Variants in PTPN2 observed in about 807,000 individuals in gnomAD.
The protein encoded by PTPN2 is tyrosine-protein phosphatase non-receptor type 2.
PTPN2 carries 19 observed loss-of-function variants against 57.3 expected under a neutral mutation model. The observed-to-expected ratio is 0.33, with a 90% confidence interval of 0.23 to 0.49. PTPN2 has a LOEUF of 0.49. Among genes scored for constraint, PTPN2 ranks in the 20% least tolerant of loss-of-function variants. PTPN2 has a pLI of 0.99. For missense variants in PTPN2, 358 were observed against 501.1 expected, an observed-to-expected ratio of 0.71 and a Z score of 2.73; for synonymous variants, 153 against 164.9, an observed-to-expected ratio of 0.93 and a Z score of 0.55.
At chr18:12,843,076 G>C (rs1177335656) in intron 2 of PTPN2, among the ~76,000 whole-genome samples, 2 of 152,188 alleles carry the variant, frequency 1.3e-5, no homozygotes, top group Non-Finnish European at 2.9e-5. Context: ...ACATGGGTGA[G>C]GGGAGTTTGA....
chr18:12,879,679 G>C (rs1455386092), intron 1 of PTPN2, among the ~76,000 whole-genome samples: 1 of 152,094 alleles, frequency 6.6e-6, no homozygotes, highest in Non-Finnish European at 1.5e-5. Context: ...TTCAAAAGGA[G>C]CAAAAAGGAA....
chr18:12,882,775 T>C (rs2044704553), intron 1 of PTPN2, among the ~76,000 whole-genome samples: 2 of 152,360 alleles, frequency 1.3e-5, no homozygotes, highest in East Asian at 1.9e-4. Flanking sequence ...AAAACGTTAC[T>C]TTCTGAACAC....
chr18:12,844,380 A>G (rs2043147725), intron 2 of PTPN2, among the ~76,000 whole-genome samples: 1 of 152,190 alleles, frequency 6.6e-6, no homozygotes, highest in Non-Finnish European at 1.5e-5. Flanking sequence ...CAGAGTGGCT[A>G]TACCAGTTTA....
intron 2 of PTPN2, among the ~76,000 whole-genome samples, chr18:12,852,229 C>CACACACACAG (rs59538580): frequency 1.3e-5 from 2 of 150,708 alleles, no homozygotes; most frequent in African/African-American, 4.9e-5. Flanking sequence ...CACACACACA[C>CACACACACAG]AGATTGTTTC....
At chr18:12,839,243 G>C (rs769455172) in intron 2 of PTPN2, among the ~76,000 whole-genome samples, 1 of 152,164 alleles carries the variant, frequency 6.6e-6, no homozygotes, top group Non-Finnish European at 1.5e-5. Context: ...ACACGGTTTC[G>C]AGTTTGTGAG....
chr18:12,823,802 A>G (rs1438275530), intron 5 of PTPN2, among the ~76,000 whole-genome samples: 3 of 152,232 alleles, frequency 2.0e-5, no homozygotes. Flanking sequence ...TACGGGGATA[A>G]TAAGAATATT....
At chr18:12,820,328 A>T (rs1314801978) in intron 5 of PTPN2, among the ~76,000 whole-genome samples, 1 of 152,132 alleles carries the variant, frequency 6.6e-6, no homozygotes, top group Admixed American at 6.5e-5. Flanking sequence ...TACAGAAACA[A>T]GATTAAAAAA....
chr18:12,792,077 A>T, downstream of PTPN2: 1 of 363,090 alleles, frequency 2.8e-6, no homozygotes, highest in Non-Finnish European at 3.8e-6. Context: ...GACAGACATA[A>T]AAAAATGTCC....
intron 3 of PTPN2, among the ~76,000 whole-genome samples, chr18:12,834,565 C>T (rs1270611491): frequency 6.6e-6 from 1 of 152,066 alleles, no homozygotes; most frequent in Non-Finnish European, 1.5e-5. Flanking sequence ...ATGCCTGCCA[C>T]AGAGTAGGTC....
intron 2 of PTPN2, among the ~76,000 whole-genome samples, chr18:12,852,184 G>A (rs922273351): frequency 8.3e-5 from 6 of 71,990 alleles, no homozygotes; most frequent in Admixed American, 7.9e-4. Flanking sequence ...TTATGGTATG[G>A]GTTTTTAACA....
rs761612764 is a variant in PTPN2 at position 12,884,066 on chromosome 18, G to A, written c.69+7C>T. On this transcript the variant is annotated splice_region_variant and intron_variant, in intron 1 of 8. Coordinates refer to ENST00000309660, the MANE Select transcript of PTPN2 (RefSeq NM_002828.4). ...GTCGGCGACTGCCGCGTGGGTCCGC[G>A]ACTCACCAAGTACAGCGGCTGCCAG... 14 of 1,571,044 alleles carry A rather than the reference G, an allele frequency of 8.9e-6. No individual in the cohort carries two copies. The highest frequency in any genetic ancestry group is 1.4e-5 in the African/African-American group (1 of 73,410).
At chr18:12,811,008 G>A (rs1227429367) in intron 7 of PTPN2, among the ~76,000 whole-genome samples, 3 of 152,116 alleles carry the variant, frequency 2.0e-5, no homozygotes, top group Non-Finnish European at 4.4e-5. Flanking sequence ...TGAAGACATG[G>A]AGTACTTGCT....
In PTPN2 at chr18:12,785,861, G is replaced by T. The variant is rs770422602; in HGVS notation, c.1143-17C>A. The T allele has an allele frequency of 7.5e-6, 12 of 1,592,362 alleles. No homozygotes were observed. The South Asian group carries it at 1.3e-4, about 18-fold the overall frequency. ...AATCTTGGCCTAAAACATAAAATAAGAAGTCATCTATTCAATTCATATTTA... is the reference window on the plus strand; with the variant it reads ...AATCTTGGCCTAAAACATAAAATAATAAGTCATCTATTCAATTCATATTTA... On this transcript the variant is annotated splice_polypyrimidine_tract_variant and intron_variant, in intron 9 of 9. Coordinates refer to the PTPN2 transcript ENST00000327283.
At chr18:12,866,161 G>A (rs528749992) in intron 1 of PTPN2, among the ~76,000 whole-genome samples, 32 of 152,294 alleles carry the variant, frequency 2.1e-4, no homozygotes, top group African/African-American at 6.7e-4. Context: ...GAAACCAGCC[G>A]GGCGCGGTGG....
chr18:12,857,111 AG>A (rs2043617656), intron 2 of PTPN2, among the ~76,000 whole-genome samples: 1 of 151,652 alleles, frequency 6.6e-6, no homozygotes, highest in South Asian at 2.1e-4. Context: ...AAAACTAATT[AG>A]GGGACTCAAA....
rs2044782993 is a variant in PTPN2 at position 12,884,188 on chromosome 18, G to C, written c.-47C>G. On this transcript the variant is annotated 5_prime_UTR_variant, in exon 1 of 9. Transcript: ENST00000309660. Reference sequence around the variant, plus strand: ...CGAGCAGAGCCTGCGCCGGCGGAGAGGCTCAGGCCCCGCACGATCCGGGGA... The same window carrying C: ...CGAGCAGAGCCTGCGCCGGCGGAGACGCTCAGGCCCCGCACGATCCGGGGA... The C allele has an allele frequency of 3.3e-6, 5 of 1,501,160 alleles. No individual in the cohort carries two copies. Among genetic ancestry groups the C allele is most frequent in the African/African-American group, 1.4e-5 (1 of 70,548 alleles). 93.0% of individuals were successfully genotyped at this position (1,501,160 alleles called of 1,614,324 possible). A position where few individuals can be genotyped will look rare whatever the true frequency, so the allele number is the denominator to read the frequency against.
chr18:12,831,815 C>T (rs139501724), intron 3 of PTPN2, among the ~76,000 whole-genome samples: 2,729 of 152,206 alleles, frequency 0.018, 37 homozygotes, highest in Admixed American at 0.029. Flanking sequence ...TACAACAATG[C>T]CATGGGGATA....
intron 7 of PTPN2, among the ~76,000 whole-genome samples, chr18:12,803,068 C>A (rs1436171100): frequency 1.3e-5 from 2 of 152,154 alleles, no homozygotes; most frequent in East Asian, 3.9e-4. Context: ...AAGGACCACA[C>A]AATATAAAAA....
Position 12,792,229 on chromosome 18 carries a change from A to T in PTPN2, c.*2049T>A, listed in dbSNP as rs45456495. The stretch of plus-strand genomic sequence containing the variant: ...CTTTCAACATAATTTAACACATTCA[A>T]GGAGACTATGCAAATCAATTCAAAA... On this transcript the variant is annotated 3_prime_UTR_variant, in exon 9 of 9. Coordinates refer to ENST00000309660, the MANE Select transcript of PTPN2 (RefSeq NM_002828.4). The T allele has an allele frequency of 0.33, 308,058 of 940,816 alleles. 53,319 individuals carry two copies. Among genetic ancestry groups the T allele is most frequent in the Admixed American group, 0.4 (6,428 of 16,136 alleles). 58.3% of individuals were successfully genotyped at this position (940,816 alleles called of 1,614,324 possible). A position where few individuals can be genotyped will look rare whatever the true frequency, so the allele number is the denominator to read the frequency against.
Sources: gnomAD v4.1 joint callset for allele counts (sites outside exome capture counted in the v4.1 genomes callset) on GRCh38, gnomAD v4.1.1 for gene constraint, MANE v1.5 for transcripts, NCBI Gene and HGNC (gene_info 2026-07-23, HGNC 2026-07-21) for gene names.